The following ZNF618 variants were observed in gnomAD, a reference collection of about 807,000 sequenced individuals.
ZNF618 encodes the protein zinc finger protein 618.
A neutral mutation model predicts 103.0 loss-of-function variants in ZNF618; 34 were observed. The observed-to-expected ratio is 0.33, with a 90% CI of 0.25 to 0.44. The LOEUF (loss-of-function observed/expected upper bound fraction) is 0.44. Among genes scored for constraint, ZNF618 ranks in the 20% least tolerant of loss-of-function variants. The probability of loss-of-function intolerance (pLI) is 1.00; values close to 1 mark genes in which losing one functional copy is unlikely to be tolerated. For missense variants in ZNF618, 1,059 were observed against 1,295.4 expected (o/e 0.82, Z 2.80); for synonymous variants, 551 against 542.2 (o/e 1.02, Z -0.23).
At chr9:114,005,876 A>G (rs1841703916) in intron 6 of ZNF618, among the ~76,000 whole-genome samples, 2 of 152,148 alleles carry the variant, frequency 1.3e-5, no homozygotes, top group African/African-American at 2.4e-5. Context: ...CAGCTCCCCA[A>G]ATTATGGGGG....
At chr9:113,932,984 G>A (rs902039162) in intron 1 of ZNF618, among the ~76,000 whole-genome samples, 1 of 152,162 alleles carries the variant, frequency 6.6e-6, no homozygotes, top group African/African-American at 2.4e-5. Context: ...CTCGGGGAGA[G>A]GAGGAGGAAC....
rs527537269 is a variant in ZNF618, at chr9:113,964,078, A to G, written c.34-5039A>G. On this transcript the variant is annotated intron_variant, in intron 1 of 14. Coordinates refer to ENST00000374126, the MANE Select transcript of ZNF618 (RefSeq NM_001318042.2). The stretch of plus-strand genomic sequence containing the variant: ...CAAAATCCTAATTATAGCACTGTGA[A>G]AATGTGCTGCGCCAGGTCCATCTTG... Among the ~76,000 whole-genome samples the G allele has an allele frequency of 4.2e-4, 64 of 152,264 alleles. 1 individual carries two copies. In the South Asian group the frequency reaches 0.013, roughly 32 times the overall value.
At chr9:113,942,043 A>C (rs1307728713) in intron 1 of ZNF618, among the ~76,000 whole-genome samples, 1 of 152,198 alleles carries the variant, frequency 6.6e-6, no homozygotes, top group Non-Finnish European at 1.5e-5. Context: ...CACAACGGAC[A>C]AAACATTTAG....
At chr9:113,881,127 A>G (rs2130798356) in intron 1 of ZNF618, among the ~76,000 whole-genome samples, 1 of 152,316 alleles carries the variant, frequency 6.6e-6, no homozygotes, top group South Asian at 2.1e-4. Flanking sequence ...TGGAGAGGAG[A>G]TCTAAAGTGT....
chr9:114,042,957 G>A (rs1845344263), intron 13 of ZNF618, among the ~76,000 whole-genome samples: 1 of 152,198 alleles, frequency 6.6e-6, no homozygotes, highest in Non-Finnish European at 1.5e-5. Context: ...TTTGCCTTTA[G>A]TGGATTTTAT....
At chr9:113,969,227 C>T (rs1025567389) in intron 2 of ZNF618, 67 bp downstream of exon 2, 1 of 1,587,494 alleles carries the variant, frequency 6.3e-7, no homozygotes, top group Non-Finnish European at 8.7e-7. Flanking sequence ...TAACAGTTAC[C>T]ACTCTCTGGT....
chr9:114,047,876 C>A lies in ZNF618; in HGVS notation c.1247-17C>A. The A allele has an allele frequency of 6.3e-7, 1 of 1,582,660 alleles. No individual in the cohort carries two copies. Among genetic ancestry groups the A allele is most frequent in the Non-Finnish European group, 8.6e-7 (1 of 1,163,638 alleles). On this transcript the variant is annotated splice_polypyrimidine_tract_variant and intron_variant, in intron 13 of 14. Transcript: ENST00000374126. ...CTTACCCTTCCAGGTAACACACTGT[C>A]CCCTTTGTGCCCACAGCTGACAATG...
intron 1 of ZNF618, among the ~76,000 whole-genome samples, chr9:113,944,411 G>T (rs563885833): frequency 5.3e-5 from 8 of 152,238 alleles, no homozygotes; most frequent in African/African-American, 1.9e-4. Flanking sequence ...CGAGTAGCTG[G>T]GATTACAGTT....
intron 1 of ZNF618, 27 bp downstream of exon 1, chr9:113,876,440 C>G: frequency 8.3e-7 from 1 of 1,199,774 alleles, no homozygotes; most frequent in South Asian, 4.2e-5. Context: ...GGGGCATGCA[C>G]CGCGCGGGGG....
intron 1 of ZNF618, among the ~76,000 whole-genome samples, chr9:113,951,403 G>GTGTGTGTGTATATA (rs1835563608): frequency 2.4e-5 from 1 of 41,872 alleles, no homozygotes; most frequent in African/African-American, 9.4e-5. Flanking sequence ...ATATATATAC[G>GTGTGTGTGTATATA]TATATATACA....
intron 2 of ZNF618, 137 bp from the exon 3 acceptor site, chr9:113,988,184 G>A: frequency 8.5e-7 from 1 of 1,172,944 alleles, no homozygotes; most frequent in African/African-American, 1.5e-5. Context: ...TGGGGGTTGT[G>A]TGGGAGGCTA....
intron 1 of ZNF618, among the ~76,000 whole-genome samples, chr9:113,955,314 C>T (rs1277509728): frequency 6.6e-6 from 1 of 150,492 alleles, no homozygotes; most frequent in African/African-American, 2.5e-5. Context: ...CCCACCCCCA[C>T]ACTGCAAAGA....
At chr9:114,012,206 A>AAAT (rs1842315306) in intron 9 of ZNF618, among the ~76,000 whole-genome samples, 1 of 152,224 alleles carries the variant, frequency 6.6e-6, no homozygotes, top group African/African-American at 2.4e-5. Context: ...TGCCACAACA[A>AAAT]AATATTACAG....
intron 1 of ZNF618, among the ~76,000 whole-genome samples, chr9:113,916,913 C>CTTTA (rs1447328478): frequency 6.6e-6 from 1 of 152,202 alleles, no homozygotes; most frequent in Non-Finnish European, 1.5e-5. Flanking sequence ...GAAATTTAAA[C>CTTTA]TTTATTTACT....
chr9:113,967,786 C>CGG (rs1554740733), intron 1 of ZNF618, among the ~76,000 whole-genome samples: 3,697 of 151,996 alleles, frequency 0.024, 48 homozygotes, highest in Non-Finnish European at 0.038. Context: ...TGGGACCAGA[C>CGG]GGGCTGGGTG....
At position 113,890,383 on chromosome 9, in the gene ZNF618, C is replaced by G. The variant is rs190472475; in HGVS notation, c.33+13970C>G. 2.6e-5 allele frequency among the ~76,000 whole-genome samples: 4 copies of G among 152,244 alleles called. No individual in the cohort carries two copies. The East Asian group carries it at 7.7e-4, about 29-fold the overall frequency. On this transcript the variant is annotated intron_variant, in intron 1 of 14. Coordinates refer to ENST00000374126, the MANE Select transcript of ZNF618 (RefSeq NM_001318042.2). ...AAATGGGATTATATTCCATGCTGTT[C>G]TGAGGCCTGATGTCTTTTTCTTTTT...
At chr9:113,879,395 C>CTT (rs1828282806) in intron 1 of ZNF618, among the ~76,000 whole-genome samples, 3 of 75,916 alleles carry the variant, frequency 4.0e-5, no homozygotes, top group Admixed American at 1.3e-4. Context: ...TTTTTTTTTT[C>CTT]TGTTTTTTTT....
chr9:113,919,478 T>G (rs1422121871), intron 1 of ZNF618, among the ~76,000 whole-genome samples: 1 of 152,264 alleles, frequency 6.6e-6, no homozygotes, highest in Non-Finnish European at 1.5e-5. Context: ...TGTATGTGTG[T>G]GTGCATCCCT....
chr9:113,910,353 T>G (rs1324828523), intron 1 of ZNF618, among the ~76,000 whole-genome samples: 1 of 152,176 alleles, frequency 6.6e-6, no homozygotes, highest in Non-Finnish European at 1.5e-5. Flanking sequence ...GTTCCTGCTC[T>G]TCACTCTGTA....
Sources: allele counts gnomAD v4.1 joint callset (sites outside exome capture counted in the v4.1 genomes callset), GRCh38; gene constraint gnomAD v4.1.1; transcripts MANE v1.5; gene names NCBI Gene and HGNC (gene_info 2026-07-23, HGNC 2026-07-21).